Variants in CCDC184 observed in about 807,000 individuals in gnomAD.
CCDC184 encodes coiled-coil domain-containing protein 184.
A neutral mutation model predicts 10.4 loss-of-function variants in CCDC184; 11 were observed. That is an observed-to-expected ratio of 1.06 (90% confidence interval 0.67 to 1.75). The LOEUF (loss-of-function observed/expected upper bound fraction) is 1.75, where lower values mean the gene tolerates loss of function less well. CCDC184 is among the 40% of genes most tolerant of loss of function. The probability of loss-of-function intolerance (pLI) is 0.00; values close to 1 mark genes in which losing one functional copy is unlikely to be tolerated. For missense variants in CCDC184, 264 were observed against 267.9 expected (o/e 0.99, Z 0.10); for synonymous variants, 102 against 116.1 (o/e 0.88, Z 0.78).
rs1222731625 is a variant in CCDC184 at position 48,185,724 on chromosome 12, G to C, written c.*1017G>C. 6.0e-6 allele frequency: 1 copy of C among 167,142 alleles called. No individual in the cohort carries two copies. The highest frequency in any genetic ancestry group is 1.5e-5 in the Non-Finnish European group (1 of 68,238). 10.4% of individuals were successfully genotyped at this position (167,142 alleles called of 1,614,324 possible). A position where few individuals can be genotyped will look rare whatever the true frequency, so the allele number is the denominator to read the frequency against. ...TCAGGGGCTTCAGACCCTTCTACGA[G>C]CTCCAAGCTATCAATGGCGCTTTTC... On this transcript the variant is annotated 3_prime_UTR_variant, in exon 1 of 1. Coordinates refer to ENST00000316554, the MANE Select transcript of CCDC184 (RefSeq NM_001013635.4).
rs768861003 is a variant in CCDC184, at chr12:48,184,476, G to C, written c.354G>C (p.Pro118=). The C allele has an allele frequency of 2.9e-5, 47 of 1,603,762 alleles. No homozygotes were observed. The South Asian group carries it at 3.2e-4, about 11-fold the overall frequency. Residue 118 remains proline, a synonymous_variant, in exon 1 of 1, where the codon CCG becomes CCC. Transcript: ENST00000316554. Reference sequence around the variant, plus strand: ...GCTTCCAGAGCGACCCCCAAGAGCCGGAGACTCCTTCGCCTGGGATCGGGG... The same window carrying C: ...GCTTCCAGAGCGACCCCCAAGAGCCCGAGACTCCTTCGCCTGGGATCGGGG... The part of the protein sequence containing the change: ...KGSFQSDPQE[P]ETPSPGIGDS...
In CCDC184 at chr12:48,183,734, C is replaced by G. The variant is rs917254090; in HGVS notation, c.-389C>G. ...GACGCGCCGCTGGCCTCAGCCTGGA[C>G]GCGGACCCCTCCGCGAGCGCGTCTG... On this transcript the variant is annotated 5_prime_UTR_variant, in exon 1 of 1. Coordinates refer to ENST00000316554, the MANE Select transcript of CCDC184 (RefSeq NM_001013635.4). 3 of 207,478 alleles carry G rather than the reference C, an allele frequency of 1.4e-5. No individual in the cohort carries two copies. The highest frequency in any genetic ancestry group is 7.0e-5 in the African/African-American group (3 of 42,952). 12.9% of individuals were successfully genotyped at this position (207,478 alleles called of 1,614,324 possible). A position where few individuals can be genotyped will look rare whatever the true frequency, so the allele number is the denominator to read the frequency against.
In CCDC184 at chr12:48,183,885, GCTCTGGGACCCTCGCCGGGTC is replaced by G; in HGVS notation, c.-234_-214del. 1 of 533,352 alleles carries G rather than the reference GCTCTGGGACCCTCGCCGGGTC, an allele frequency of 1.9e-6. No individual in the cohort carries two copies. The highest frequency in any genetic ancestry group is 5.0e-4 in the Middle Eastern group (1 of 2,000). 33.0% of individuals were successfully genotyped at this position (533,352 alleles called of 1,614,324 possible). On this transcript the variant is annotated 5_prime_UTR_variant, in exon 1 of 1. Coordinates refer to ENST00000316554, the MANE Select transcript of CCDC184 (RefSeq NM_001013635.4). ...CCCGGGGCGATCCCAAGAGACGCCG[GCTCTGGGACCCTCGCCGGGTC>G]CTCGTCCCGCAGCCTCTTCTCGGCC...
chr12:48,184,903 C>T lies in CCDC184; in HGVS notation c.*196C>T. 1 of 570,226 alleles carries T rather than the reference C, an allele frequency of 1.8e-6. No homozygotes were observed. Among genetic ancestry groups the T allele is most frequent in the Non-Finnish European group, 3.2e-6 (1 of 315,560 alleles). The allele number at this position is 570,226 out of a possible 1,614,324, so 35.3% of individuals were successfully genotyped here. A position where few individuals can be genotyped will look rare whatever the true frequency, so the allele number is the denominator to read the frequency against. ...AGCATCGAGAATTCTTTCTGCCCAA[C>T]TAAGCGAATTATAGCGAACTGCGGA... On this transcript the variant is annotated 3_prime_UTR_variant, in exon 1 of 1. Coordinates refer to ENST00000316554, the MANE Select transcript of CCDC184 (RefSeq NM_001013635.4).
chr12:48,184,053 A>ACC lies in CCDC184; in HGVS notation c.-66_-65dup. The ACC allele has an allele frequency of 2.9e-6, 1 of 340,970 alleles. No individual in the cohort carries two copies. The highest frequency in any genetic ancestry group is 4.9e-6 in the Non-Finnish European group (1 of 202,066). 21.1% of individuals were successfully genotyped at this position (340,970 alleles called of 1,614,324 possible). On this transcript the variant is annotated 5_prime_UTR_variant, in exon 1 of 1. Coordinates refer to ENST00000316554, the MANE Select transcript of CCDC184 (RefSeq NM_001013635.4). ...CCCCTCCCGGGACCTCTCCCCCTCC[A>ACC]CCCCCTCCCCCACCCCGGAGGCCGG...
In CCDC184 at chr12:48,183,949, C is replaced by A. The variant is rs373008423; in HGVS notation, c.-174C>A. ...TCTCGGCCTCCCGCGATCCTGCCTG[C>A]GCCCTCTGCCCAGGACTCGTCTCTC... is the stretch of plus-strand genomic sequence containing the variant. On this transcript the variant is annotated 5_prime_UTR_variant, in exon 1 of 1. Coordinates refer to ENST00000316554, the MANE Select transcript of CCDC184 (RefSeq NM_001013635.4). The A allele has an allele frequency of 3.4e-6, 2 of 592,298 alleles. No homozygotes were observed. Among genetic ancestry groups the A allele is most frequent in the Non-Finnish European group, 3.0e-6 (1 of 334,220 alleles). 36.7% of individuals were successfully genotyped at this position (592,298 alleles called of 1,614,324 possible). A position where few individuals can be genotyped will look rare whatever the true frequency, so the allele number is the denominator to read the frequency against.
chr12:48,184,004 T>A lies in CCDC184; in HGVS notation c.-119T>A. On this transcript the variant is annotated 5_prime_UTR_variant, in exon 1 of 1. Transcript: ENST00000316554. ...CGGCTCCCCGCCAGTCTCGGGAGCCTCCGCTTCCCTCGGCTCCCGCTAGCC... is the reference window on the plus strand; with the variant it reads ...CGGCTCCCCGCCAGTCTCGGGAGCCACCGCTTCCCTCGGCTCCCGCTAGCC... 1.5e-4 allele frequency: 77 copies of A among 530,382 alleles called. No homozygotes were observed. The highest frequency in any genetic ancestry group is 1.2e-3 in the Middle Eastern group (2 of 1,672). 32.9% of individuals were successfully genotyped at this position (530,382 alleles called of 1,614,324 possible).
chr12:48,184,629 G>A lies in CCDC184; in HGVS notation c.507G>A (p.Gly169=). The A allele has an allele frequency of 1.3e-6, 2 of 1,581,040 alleles. No individual in the cohort carries two copies. The highest frequency in any genetic ancestry group is 3.6e-5 in the Admixed American group (2 of 54,822). Residue 169 remains glycine, a synonymous_variant, in exon 1 of 1, where the codon GGG becomes GGA. Transcript: ENST00000316554. Reference sequence around the variant, plus strand: ...AAAGCCCCTGTGCTGGTCTCCTTGGGGGGGACGGGCCACTTGTGGAGCCCC... The same window carrying A: ...AAAGCCCCTGTGCTGGTCTCCTTGGAGGGGACGGGCCACTTGTGGAGCCCC... ...RPESPCAGLL[G]GDGPLVEPLD...
Position 48,184,414 on chromosome 12 carries a change from C to A in CCDC184, c.292C>A (p.Arg98Ser), listed in dbSNP as rs749879314. Reference sequence around the variant, plus strand: ...GTGCCAGATTATGACCACTGCGCCCCGCCAGGGCGGCTTGGGCGTGGTCGG... The same window carrying A: ...GTGCCAGATTATGACCACTGCGCCCAGCCAGGGCGGCTTGGGCGTGGTCGG... ...SMCQIMTTAP[R>S]QGGLGVVGGK... is the part of the protein sequence containing the mutation. Residue 98 changes from arginine to serine, a missense_variant, in exon 1 of 1, where the codon CGC becomes AGC. Coordinates refer to ENST00000316554, the MANE Select transcript of CCDC184 (RefSeq NM_001013635.4). 2 of 1,611,926 alleles carry A rather than the reference C, an allele frequency of 1.2e-6. No individual in the cohort carries two copies. The highest frequency in any genetic ancestry group is 2.2e-5 in the South Asian group (2 of 91,078).
rs766033672 is a variant in CCDC184 at position 48,184,347 on chromosome 12, C to T, written c.225C>T (p.Leu75=). The change falls in exon 1 of 1, where the codon CTC becomes CTT. Residue 75 remains leucine (L), a synonymous_variant. Coordinates refer to ENST00000316554, the MANE Select transcript of CCDC184 (RefSeq NM_001013635.4). ...AGCAGGCCTCGCACATCCAGGTGCT[C>T]TCGGACGACGTGTGCGCCAACCAGC... ...LDEQASHIQV[L]SDDVCANQRA... is the part of the protein sequence containing the mutation. 4 of 1,613,880 alleles carry T rather than the reference C, an allele frequency of 2.5e-6. No homozygotes were observed. The highest frequency in any genetic ancestry group is 3.4e-6 in the Non-Finnish European group (4 of 1,180,008).
Position 48,183,704 on chromosome 12 carries a change from A to T in CCDC184, c.-419A>T, listed in dbSNP as rs1237629288. 5.4e-6 allele frequency: 1 copy of T among 183,526 alleles called. No homozygotes were observed. Among genetic ancestry groups the T allele is most frequent in the Non-Finnish European group, 1.1e-5 (1 of 89,156 alleles). The allele number at this position is 183,526 out of a possible 1,614,324, so 11.4% of individuals were successfully genotyped here. On this transcript the variant is annotated 5_prime_UTR_variant, in exon 1 of 1. Transcript: ENST00000316554. The stretch of plus-strand genomic sequence containing the variant: ...CCGGTAATGGCCTGGGGGAGTCCCG[A>T]GTCCGACGCGCCGCTGGCCTCAGCC...
At position 48,184,248 on chromosome 12, in the gene CCDC184, A is replaced by G. The variant is rs749097108; in HGVS notation, c.126A>G (p.Glu42=). Residue 42 remains glutamate, a synonymous_variant, in exon 1 of 1, where the codon GAA becomes GAG. Transcript: ENST00000316554. ...GGGAGTACAACGGCGGCATGAAGGA[A>G]CTGATGGAGCACCTGAAAGCCCAGC... ...ISGEYNGGMK[E]LMEHLKAQLQ... is the part of the protein sequence containing the mutation. 3.7e-6 allele frequency: 6 copies of G among 1,613,894 alleles called. No individual in the cohort carries two copies. The Admixed American group carries it at 1.0e-4, about 27-fold the overall frequency.
In CCDC184 at chr12:48,185,010, C is replaced by A; in HGVS notation, c.*303C>A. On this transcript the variant is annotated 3_prime_UTR_variant, in exon 1 of 1. Transcript: ENST00000316554. ...CTGTCCTTTCCCCCTTCCCAGACAA[C>A]AGGAGAACCCGTGAATTGTGTAAAT... 2.7e-6 allele frequency: 1 copy of A among 366,698 alleles called. No homozygotes were observed. 22.7% of individuals were successfully genotyped at this position (366,698 alleles called of 1,614,324 possible). A position where few individuals can be genotyped will look rare whatever the true frequency, so the allele number is the denominator to read the frequency against.
In CCDC184 at chr12:48,184,072, A is replaced by C. The variant is rs1234377400; in HGVS notation, c.-51A>C. The C allele has an allele frequency of 1.8e-4, 82 of 446,674 alleles. No individual in the cohort carries two copies. The highest frequency in any genetic ancestry group is 3.0e-4 in the Non-Finnish European group (73 of 241,292). The allele number at this position is 446,674 out of a possible 1,614,324, so 27.7% of individuals were successfully genotyped here. A position where few individuals can be genotyped will look rare whatever the true frequency, so the allele number is the denominator to read the frequency against. ...CCCTCCACCCCCTCCCCCACCCCGG[A>C]GGCCGGGCTGGACGCGACCCAGAGC... On this transcript the variant is annotated 5_prime_UTR_variant, in exon 1 of 1. Transcript: ENST00000316554.
rs373754156 is a variant in CCDC184, at chr12:48,184,521, C to G, written c.399C>G (p.Arg133=). 1.6e-4 allele frequency: 257 copies of G among 1,582,658 alleles called. No individual in the cohort carries two copies. The highest frequency in any genetic ancestry group is 2.0e-4 in the Non-Finnish European group (234 of 1,169,846). Reference sequence around the variant, plus strand: ...TCGGGGACAGCGGCTTGCTGGGTCGCGATCCCGAGGACGAGGAGGAAGAGG... The same window carrying G: ...TCGGGGACAGCGGCTTGCTGGGTCGGGATCCCGAGGACGAGGAGGAAGAGG... The part of the protein sequence containing the change: ...PGIGDSGLLG[R]DPEDEEEEEE... The change falls in exon 1 of 1, where the codon CGC becomes CGG. Residue 133 remains arginine, a synonymous_variant. Transcript: ENST00000316554.
rs1180607155 is a variant in CCDC184, at chr12:48,184,961, T to C, written c.*254T>C. ...GGCTCCGGGAGAGGAAGCGCCCATC[T>C]CTGGACTCCCATCCATCCCTATCCT... On this transcript the variant is annotated 3_prime_UTR_variant, in exon 1 of 1. Transcript: ENST00000316554. 4.1e-6 allele frequency: 2 copies of C among 490,646 alleles called. No individual in the cohort carries two copies. Among genetic ancestry groups the C allele is most frequent in the Non-Finnish European group, 7.5e-6 (2 of 266,706 alleles). 30.4% of individuals were successfully genotyped at this position (490,646 alleles called of 1,614,324 possible).
chr12:48,184,543 G>T lies in CCDC184; in HGVS notation c.421G>T (p.Glu141Ter), dbSNP rs1394095174. 20 of 1,551,082 alleles carry T rather than the reference G, an allele frequency of 1.3e-5. No individual in the cohort carries two copies. The South Asian group carries it at 2.1e-4, about 16-fold the overall frequency. ...LGRDPEDEEE[E>*]EEEKEMPSPA... The stretch of plus-strand genomic sequence containing the variant: ...TCGCGATCCCGAGGACGAGGAGGAA[G>T]AGGAAGAAGAGAAGGAGATGCCCAG... Residue 141 changes from glutamate to a stop codon, truncating the protein, a stop_gained, in exon 1 of 1, where the codon GAG becomes TAG. Coordinates refer to ENST00000316554, the MANE Select transcript of CCDC184 (RefSeq NM_001013635.4). LOFTEE classifies it high-confidence loss of function.
At position 48,184,323 on chromosome 12, in the gene CCDC184, G is replaced by T. The variant is rs965912302; in HGVS notation, c.201G>T (p.Glu67Asp). The change falls in exon 1 of 1, where the codon GAG (glutamate) becomes GAT (aspartate). Residue 67 changes from glutamate (E) to aspartate (D), a missense_variant. Transcript: ENST00000316554. ...DVRAMRGALD[E>D]QASHIQVLSD... ...GGGCCATGAGGGGGGCCCTGGACGA[G>T]CAGGCCTCGCACATCCAGGTGCTCT... The T allele has an allele frequency of 1.1e-5, 18 of 1,614,024 alleles. No individual in the cohort carries two copies. Among genetic ancestry groups the T allele is most frequent in the Non-Finnish European group, 1.4e-5 (17 of 1,180,034 alleles).
In CCDC184 at chr12:48,184,790, C is replaced by A; in HGVS notation, c.*83C>A. On this transcript the variant is annotated 3_prime_UTR_variant, in exon 1 of 1. Coordinates refer to ENST00000316554, the MANE Select transcript of CCDC184 (RefSeq NM_001013635.4). ...GCGAGGGGGACTGAACGGCGCGGTG[C>A]GGCATGCTTCACTTGGACAGCTGCT... 3 of 1,071,522 alleles carry A rather than the reference C, an allele frequency of 2.8e-6. No individual in the cohort carries two copies. Among genetic ancestry groups the A allele is most frequent in the Non-Finnish European group, 2.7e-6 (2 of 743,016 alleles). 66.4% of individuals were successfully genotyped at this position (1,071,522 alleles called of 1,614,324 possible). A position where few individuals can be genotyped will look rare whatever the true frequency, so the allele number is the denominator to read the frequency against.
Sources: gnomAD v4.1 joint callset for allele counts on GRCh38, gnomAD v4.1.1 for gene constraint, MANE v1.5 for transcripts, NCBI Gene and HGNC (gene_info 2026-07-23, HGNC 2026-07-21) for gene names.